The following PIK3C2G variants were observed in gnomAD, a reference collection of about 807,000 sequenced individuals.
The protein encoded by PIK3C2G is phosphatidylinositol-4-phosphate 3-kinase catalytic subunit type 2 gamma.
A neutral mutation model predicts 181.1 loss-of-function variants in PIK3C2G; 168 were observed. The observed-to-expected ratio is 0.93, with a 90% CI of 0.82 to 1.05. PIK3C2G has a LOEUF of 1.05. PIK3C2G is among the 50% of genes least tolerant of loss of function. The probability of loss-of-function intolerance (pLI) is 0.00; values close to 1 mark genes in which losing one functional copy is unlikely to be tolerated. For missense variants in PIK3C2G, 1,869 were observed against 1,732.8 expected (o/e 1.08, Z -1.40); for synonymous variants, 573 against 592.2 (o/e 0.97, Z 0.47).
At chr12:18,558,911 A>G (rs928087919) in intron 26 of PIK3C2G, among the ~76,000 whole-genome samples, 5 of 152,176 alleles carry the variant, frequency 3.3e-5, no homozygotes, top group African/African-American at 1.2e-4. Context: ...CAAACTCTAA[A>G]AGGGCGAAAA....
rs572737947 is a variant in PIK3C2G at position 18,637,462 on chromosome 12, T to G, written c.4183-2967T>G. ...TTGTAGTCTTCCTATTGATTTCACTTCAAGGAACACATAAAAGCTAGCCTA... is the reference window on the plus strand; with the variant it reads ...TTGTAGTCTTCCTATTGATTTCACTGCAAGGAACACATAAAAGCTAGCCTA... On this transcript the variant is annotated intron_variant, in intron 31 of 32. Transcript: ENST00000538779. 5.3e-5 allele frequency among the ~76,000 whole-genome samples: 8 copies of G among 152,056 alleles called. No homozygotes were observed. In the East Asian group the frequency reaches 1.6e-3, roughly 29 times the overall value.
At chr12:18,250,622 T>G (rs1948086832) in intron 1 of PIK3C2G, among the ~76,000 whole-genome samples, 1 of 152,046 alleles carries the variant, frequency 6.6e-6, no homozygotes, top group South Asian at 2.1e-4. Context: ...ATTAAATAAA[T>G]GCCCTACTGC....
At chr12:18,379,166 A>T (rs1467034445) in intron 13 of PIK3C2G, among the ~76,000 whole-genome samples, 2 of 152,072 alleles carry the variant, frequency 1.3e-5, no homozygotes, top group Non-Finnish European at 2.9e-5. Context: ...CATATACACC[A>T]TGGAATACTA....
chr12:18,561,119 G>T (rs914338550), intron 26 of PIK3C2G, among the ~76,000 whole-genome samples: 8 of 152,200 alleles, frequency 5.3e-5, no homozygotes, highest in African/African-American at 1.7e-4. Context: ...ACTTCTTAAA[G>T]AATTTACTGG....
the PIK3C2G span, among the ~76,000 whole-genome samples, chr12:18,668,297 G>A: frequency 2.5e-4 from 38 of 152,274 alleles, no homozygotes; most frequent in Middle Eastern, 0.01. Context: ...CTTCCCTACG[G>A]ATAATAATTC....
the PIK3C2G span, chr12:18,701,404 G>C: frequency 6.3e-7 from 1 of 1,583,018 alleles, no homozygotes; most frequent in Non-Finnish European, 8.6e-7. Flanking sequence ...TTATAAGAAG[G>C]AAAATGATTT....
rs967198067 is a variant in PIK3C2G, at chr12:18,503,433, G to A, written c.3153+16G>A. 3 of 1,564,542 alleles carry A rather than the reference G, an allele frequency of 1.9e-6. No homozygotes were observed. Among genetic ancestry groups the A allele is most frequent in the Non-Finnish European group, 2.6e-6 (3 of 1,153,190 alleles). On this transcript the variant is annotated intron_variant, in intron 23 of 32. Coordinates refer to ENST00000538779, the MANE Select transcript of PIK3C2G (RefSeq NM_001288772.2). ...TTATGAAAAGGTTTGTCCTGTTGCA[G>A]ATCATTTTAAATAATGTACTTAAAT... is the stretch of plus-strand genomic sequence containing the variant.
rs74071204 is a variant in PIK3C2G at position 18,595,022 on chromosome 12, G to A, written c.4087+453G>A. Among the ~76,000 whole-genome samples the A allele has an allele frequency of 7.0e-4, 106 of 152,010 alleles. 1 individual carries two copies. The East Asian group carries it at 0.014, about 21-fold the overall frequency. On this transcript the variant is annotated intron_variant, in intron 30 of 32. Coordinates refer to ENST00000538779, the MANE Select transcript of PIK3C2G (RefSeq NM_001288772.2). ...TTACATCATAGAATATTCAAGATTT[G>A]TTTCAACAGTGATGAGTGACAAAAG...
intron 10 of PIK3C2G, 94 bp downstream of exon 10, chr12:18,343,454 G>A (rs1175369815): frequency 1.6e-6 from 1 of 617,228 alleles, no homozygotes; most frequent in Non-Finnish European, 2.9e-6. Context: ...TGCAAATACT[G>A]TGGTAACACA....
chr12:18,713,099 C>G, the PIK3C2G span: 95 of 1,358,226 alleles, frequency 7.0e-5, no homozygotes, highest in Non-Finnish European at 9.1e-5. Flanking sequence ...ATAAATGAGT[C>G]CATAAAACTC....
At chr12:18,291,409 A>T (rs1949685509) in intron 4 of PIK3C2G, among the ~76,000 whole-genome samples, 2 of 152,186 alleles carry the variant, frequency 1.3e-5, no homozygotes, top group Non-Finnish European at 2.9e-5. Context: ...TAGAATAGGC[A>T]TTGTTACACA....
Position 18,348,285 on chromosome 12 carries a change from G to A in PIK3C2G, c.1625+1449G>A, listed in dbSNP as rs190556659. Among the ~76,000 whole-genome samples the A allele has an allele frequency of 1.1e-4, 16 of 151,896 alleles. No individual in the cohort carries two copies. The East Asian group carries it at 2.7e-3, about 26-fold the overall frequency. The stretch of plus-strand genomic sequence containing the variant: ...TATGTGTGTAAATATACATATGCGT[G>A]CAAATGTAAAATGCATATGAATATA... On this transcript the variant is annotated intron_variant, in intron 11 of 32. Transcript: ENST00000538779.
chr12:18,479,368 A>G (rs1939331596), intron 18 of PIK3C2G, among the ~76,000 whole-genome samples: 1 of 152,140 alleles, frequency 6.6e-6, no homozygotes, highest in Non-Finnish European at 1.5e-5. Context: ...GGCACAGCAT[A>G]AGGCTAAAGA....
chr12:18,259,749 C>A, upstream of PIK3C2G, among the ~76,000 whole-genome samples: 1 of 151,720 alleles, frequency 6.6e-6, no homozygotes, highest in East Asian at 1.9e-4. Context: ...TAAACTTGCA[C>A]GTAAACATTG....
rs369202990 is a variant in PIK3C2G at position 18,413,259 on chromosome 12, G to A, written c.2316-7682G>A. Among the ~76,000 whole-genome samples the A allele has an allele frequency of 4.6e-5, 7 of 152,020 alleles. No homozygotes were observed. In the East Asian group the frequency reaches 5.8e-4, roughly 13 times the overall value. On this transcript the variant is annotated intron_variant, in intron 16 of 32. Transcript: ENST00000538779. Reference sequence around the variant, plus strand: ...GACTCAATTGTTAGCTCAACTTGGAGGCCAATTAAATCCTGAAACAGAGAG... The same window carrying A: ...GACTCAATTGTTAGCTCAACTTGGAAGCCAATTAAATCCTGAAACAGAGAG...
chr12:18,525,949 C>A (rs1003081867), intron 24 of PIK3C2G, among the ~76,000 whole-genome samples: 1 of 152,132 alleles, frequency 6.6e-6, no homozygotes, highest in Non-Finnish European at 1.5e-5. Flanking sequence ...CAATAGACAA[C>A]AAATTACCTA....
intron 16 of PIK3C2G, among the ~76,000 whole-genome samples, chr12:18,412,882 G>A (rs914015844): frequency 6.6e-6 from 1 of 152,064 alleles, no homozygotes; most frequent in Non-Finnish European, 1.5e-5. Context: ...TTCCTTCCCT[G>A]CACGTGTAAG....
At chr12:18,527,409 A>T (rs1943299070) in intron 24 of PIK3C2G, among the ~76,000 whole-genome samples, 1 of 152,202 alleles carries the variant, frequency 6.6e-6, no homozygotes, top group Non-Finnish European at 1.5e-5. Context: ...AATGCCTCAT[A>T]CATACATTTT....
At chr12:18,456,810 C>A (rs1947653567) in intron 18 of PIK3C2G, among the ~76,000 whole-genome samples, 1 of 152,148 alleles carries the variant, frequency 6.6e-6, no homozygotes, top group Non-Finnish European at 1.5e-5. Flanking sequence ...AATTTGGGGG[C>A]TGCTTTTTGT....
Sources: allele counts gnomAD v4.1 joint callset (sites outside exome capture counted in the v4.1 genomes callset), GRCh38; gene constraint gnomAD v4.1.1; transcripts MANE v1.5; gene names NCBI Gene and HGNC (gene_info 2026-07-23, HGNC 2026-07-21).